Variants in EMCN observed in about 807,000 individuals in gnomAD.
EMCN encodes MUC-14.
A neutral mutation model predicts 38.4 loss-of-function variants in EMCN; 37 were observed. The observed-to-expected ratio is 0.96, with a 90% CI of 0.74 to 1.27. The LOEUF (loss-of-function observed/expected upper bound fraction) is 1.27, where lower values mean the gene tolerates loss of function less well. Among genes scored for constraint, EMCN ranks in the 50% most tolerant of loss-of-function variants. EMCN has a pLI of 0.00. For missense variants in EMCN, 318 were observed against 302.8 expected (o/e 1.05, Z -0.37); for synonymous variants, 95 against 100.8 (o/e 0.94, Z 0.35).
At chr4:100,433,002 A>G (rs1211997177) in intron 5 of EMCN, among the ~76,000 whole-genome samples, 1 of 152,196 alleles carries the variant, frequency 6.6e-6, no homozygotes, top group Non-Finnish European at 1.5e-5. Context: ...AAATCTACTC[A>G]TTTAGCATGA....
At chr4:100,486,001 T>C (rs1035588430) in intron 1 of EMCN, among the ~76,000 whole-genome samples, 16 of 152,206 alleles carry the variant, frequency 1.1e-4, no homozygotes, top group Non-Finnish European at 2.4e-4. Context: ...AGCACAATTT[T>C]AAAATGTGTG....
At chr4:100,432,894 T>A (rs1371940666) in intron 5 of EMCN, among the ~76,000 whole-genome samples, 1 of 152,182 alleles carries the variant, frequency 6.6e-6, no homozygotes, top group Non-Finnish European at 1.5e-5. Context: ...TATTATGAGA[T>A]ATATTTAGAT....
At chr4:100,454,595 G>A (rs1727957646) in intron 4 of EMCN, among the ~76,000 whole-genome samples, 1 of 152,106 alleles carries the variant, frequency 6.6e-6, no homozygotes, top group African/African-American at 2.4e-5. Flanking sequence ...AAGACACTGT[G>A]AGATTTCTAC....
chr4:100,470,378 T>TAAAAAA (rs34533710), intron 3 of EMCN, among the ~76,000 whole-genome samples: 166 of 145,652 alleles, frequency 1.1e-3, no homozygotes, highest in African/African-American at 3.1e-3. Flanking sequence ...ACTAAAATGT[T>TAAAAAA]AAAAAAAAAA....
chr4:100,415,823 A>C (rs977538410), intron 10 of EMCN, 75 bp downstream of exon 10: 4 of 1,014,958 alleles, frequency 3.9e-6, no homozygotes, highest in Non-Finnish European at 4.4e-6. Context: ...TATGTTTCAC[A>C]TGAACAAAAT....
chr4:100,442,158 A>C (rs1192760890), intron 5 of EMCN, among the ~76,000 whole-genome samples: 2 of 152,202 alleles, frequency 1.3e-5, no homozygotes, highest in Non-Finnish European at 2.9e-5. Flanking sequence ...GCTTTGTTGA[A>C]CATAGTATAG....
chr4:100,424,184 A>G (rs746291970), intron 5 of EMCN, among the ~76,000 whole-genome samples: 2 of 152,186 alleles, frequency 1.3e-5, no homozygotes, highest in Non-Finnish European at 2.9e-5. Flanking sequence ...TAAGTATTGT[A>G]TAAGTTGAAA....
At chr4:100,477,790 T>C (rs542568885) in intron 2 of EMCN, among the ~76,000 whole-genome samples, 4 of 138,254 alleles carry the variant, frequency 2.9e-5, no homozygotes, top group African/African-American at 1.1e-4. Flanking sequence ...TCACTACAGA[T>C]ACCTTTTTTT....
chr4:100,447,179 G>A (rs556853809), intron 5 of EMCN, among the ~76,000 whole-genome samples: 2 of 152,256 alleles, frequency 1.3e-5, no homozygotes, highest in Admixed American at 6.5e-5. Context: ...ACCAGATTTT[G>A]TTAGAAAGTA....
chr4:100,421,171 G>A (rs779919133), intron 8 of EMCN, 111 bp downstream of exon 8: 6 of 953,462 alleles, frequency 6.3e-6, no homozygotes, highest in African/African-American at 1.6e-5. Context: ...CAGGAAATAT[G>A]ACATTTCATT....
intron 5 of EMCN, among the ~76,000 whole-genome samples, chr4:100,442,132 C>A (rs927242963): frequency 2.0e-5 from 3 of 152,058 alleles, no homozygotes; most frequent in African/African-American, 4.8e-5. Context: ...ATTTTATTTC[C>A]CCATTTTGAA....
Position 100,465,476 on chromosome 4 carries a change from G to T in EMCN, c.323C>A (p.Thr108Lys), listed in dbSNP as rs773791685. The T allele has an allele frequency of 6.2e-7, 1 of 1,609,000 alleles. No homozygotes were observed. Among genetic ancestry groups the T allele is most frequent in the South Asian group, 1.1e-5 (1 of 90,472 alleles). The change falls in exon 4 of 12, where the codon ACA (threonine) becomes AAA (lysine). Residue 108 changes from threonine (T) to lysine (K), a missense_variant. Physicochemically the swap from Thr to Lys is moderately conservative, Grantham distance 78. Transcript: ENST00000296420. ...AACAGCATTTGGAAGTGTAACACTTGTTACTGTTACGTTTGAAATGATGGA... is the reference window on the plus strand; with the variant it reads ...AACAGCATTTGGAAGTGTAACACTTTTTACTGTTACGTTTGAAATGATGGA... ...NDSIISNVTV[T>K]SVTLPNAVST...
intron 1 of EMCN, among the ~76,000 whole-genome samples, chr4:100,508,538 T>C (rs971479972): frequency 2.0e-5 from 3 of 152,190 alleles, no homozygotes; most frequent in African/African-American, 7.2e-5. Flanking sequence ...AACTGAATTA[T>C]GTGGTGCTTT....
chr4:100,429,224 GTTA>G (rs1727133446), intron 5 of EMCN, among the ~76,000 whole-genome samples: 1 of 152,102 alleles, frequency 6.6e-6, no homozygotes, highest in African/African-American at 2.4e-5. Context: ...ACTCTGGGCT[GTTA>G]TTATTGGAGA....
intron 4 of EMCN, among the ~76,000 whole-genome samples, chr4:100,448,460 G>C (rs1017781752): frequency 2.0e-5 from 3 of 152,068 alleles, no homozygotes; most frequent in Non-Finnish European, 4.4e-5. Context: ...AATACGTGGT[G>C]CCATTTGTTT....
At chr4:100,422,313 T>C (rs1726910647) in intron 7 of EMCN, among the ~76,000 whole-genome samples, 1 of 152,220 alleles carries the variant, frequency 6.6e-6, no homozygotes, top group East Asian at 1.9e-4. Flanking sequence ...CAAATGAAGA[T>C]GCCGTGAATC....
At chr4:100,499,720 C>T (rs1003813383) in intron 1 of EMCN, among the ~76,000 whole-genome samples, 4 of 152,138 alleles carry the variant, frequency 2.6e-5, no homozygotes, top group African/African-American at 2.4e-5. Context: ...TGCAGTTAGC[C>T]ACAAATCCTT....
rs941111351 is a variant in EMCN, at chr4:100,482,286, C to T, written c.65-2247G>A. Among the ~76,000 whole-genome samples the T allele has an allele frequency of 2.6e-5, 4 of 151,818 alleles. No individual in the cohort carries two copies. In the South Asian group the frequency reaches 6.2e-4, roughly 24 times the overall value. ...ATAGGGTAAGTATTGTTTCATGAAGCTTTGGTATAGGTGTGTGTGTGTGTG... is the reference window on the plus strand; with the variant it reads ...ATAGGGTAAGTATTGTTTCATGAAGTTTTGGTATAGGTGTGTGTGTGTGTG... On this transcript the variant is annotated intron_variant, in intron 1 of 11. Transcript: ENST00000296420.
intron 5 of EMCN, among the ~76,000 whole-genome samples, chr4:100,432,287 G>T (rs1193355247): frequency 1.3e-5 from 2 of 151,674 alleles, no homozygotes; most frequent in East Asian, 1.9e-4. Context: ...TCACCCAATG[G>T]ATACCTCAAC....
Sources: allele counts gnomAD v4.1 joint callset (sites outside exome capture counted in the v4.1 genomes callset), GRCh38; gene constraint gnomAD v4.1.1; transcripts MANE v1.5; gene names NCBI Gene and HGNC (gene_info 2026-07-23, HGNC 2026-07-21).